Variants in DCDC2 observed in about 807,000 individuals in gnomAD.
The protein encoded by DCDC2 is doublecortin domain-containing protein 2.
In DCDC2, 40 loss-of-function variants were observed where a neutral mutation model predicts 50.2. The ratio of observed to expected loss-of-function variants is 0.80; its 90% CI spans 0.62 to 1.04. DCDC2 has a LOEUF of 1.04. Among genes scored for constraint, DCDC2 ranks in the 50% least tolerant of loss-of-function variants. DCDC2 has a pLI of 0.00. For synonymous variants in DCDC2, 234 were observed against 210.6 expected, an observed-to-expected ratio of 1.11 and a Z score of -0.96; for missense variants, 570 against 581.9, an observed-to-expected ratio of 0.98 and a Z score of 0.21.
chr6:24,325,050 T>C (rs940777236), intron 2 of DCDC2, among the ~76,000 whole-genome samples: 1 of 152,150 alleles, frequency 6.6e-6, no homozygotes, highest in Non-Finnish European at 1.5e-5. Flanking sequence ...CGTCTTACTC[T>C]CAGCCTGCCT....
chr6:24,354,217 T>C (rs1216750741), intron 1 of DCDC2, among the ~76,000 whole-genome samples: 1 of 152,212 alleles, frequency 6.6e-6, no homozygotes, highest in African/African-American at 2.4e-5. Flanking sequence ...GATCATTCTT[T>C]AGCTGTTACA....
chr6:24,203,313 G>A (rs1439243756), intron 8 of DCDC2, among the ~76,000 whole-genome samples: 2 of 152,108 alleles, frequency 1.3e-5, no homozygotes, highest in Non-Finnish European at 2.9e-5. Context: ...GCAGCACAGA[G>A]TTCTCAGAAA....
intron 6 of DCDC2, among the ~76,000 whole-genome samples, chr6:24,280,760 G>A (rs1165067932): frequency 6.6e-6 from 1 of 151,920 alleles, no homozygotes; most frequent in Non-Finnish European, 1.5e-5. Context: ...GGCTGATCTT[G>A]AACTCCTGAC....
rs1285477191 is a variant in DCDC2, at chr6:24,317,084, C to CATGTATAT, written c.349-15041_349-15040insATATACAT. Among the ~76,000 whole-genome samples, 1,138 of 151,806 alleles carry CATGTATAT rather than the reference C, an allele frequency of 7.5e-3. 10 individuals carry two copies. The highest frequency in any genetic ancestry group is 0.026 in the African/African-American group (1,060 of 41,412). ...CACTACATATATGCACACATACATGCATACATCTGTATTTACAGATGTATG... is the reference window on the plus strand; with the variant it reads ...CACTACATATATGCACACATACATGCATGTATATATACATCTGTATTTACAGATGTATG... On this transcript the variant is annotated intron_variant, in intron 2 of 9. Coordinates refer to ENST00000378454, the MANE Select transcript of DCDC2 (RefSeq NM_016356.5).
intron 2 of DCDC2, among the ~76,000 whole-genome samples, chr6:24,335,711 C>G (rs943850160): frequency 5.3e-5 from 8 of 152,178 alleles, no homozygotes; most frequent in African/African-American, 1.9e-4. Flanking sequence ...AACTTACAAT[C>G]ATGGCAGAAG....
the DCDC2 span, among the ~76,000 whole-genome samples, chr6:24,378,928 G>A: frequency 7.0e-6 from 1 of 143,522 alleles, no homozygotes; most frequent in Non-Finnish European, 1.5e-5. Flanking sequence ...CTCCAGCCTG[G>A]GCAACAAAGG....
intron 9 of DCDC2, among the ~76,000 whole-genome samples, chr6:24,177,511 G>A (rs1186036867): frequency 6.6e-6 from 1 of 152,174 alleles, no homozygotes; most frequent in Non-Finnish European, 1.5e-5. Flanking sequence ...CCTTGAGGGA[G>A]GTGGACCTTG....
At position 24,338,245 on chromosome 6, in the gene DCDC2, T is replaced by C. The variant is rs546612930; in HGVS notation, c.348+15324A>G. Among the ~76,000 whole-genome samples, 21 of 152,300 alleles carry C rather than the reference T, an allele frequency of 1.4e-4. No homozygotes were observed. In the East Asian group the frequency reaches 3.3e-3, roughly 24 times the overall value. ...AAATACATACACACACATGTGCACA[T>C]GCACAAACACTCACAGTGAGTTCCA... On this transcript the variant is annotated intron_variant, in intron 2 of 9. Coordinates refer to ENST00000378454, the MANE Select transcript of DCDC2 (RefSeq NM_016356.5).
chr6:24,369,709 A>G, the DCDC2 span, among the ~76,000 whole-genome samples: 1 of 152,310 alleles, frequency 6.6e-6, no homozygotes, highest in South Asian at 2.1e-4. Flanking sequence ...GAGTTTTTAA[A>G]CAGCATGACA....
intron 7 of DCDC2, among the ~76,000 whole-genome samples, chr6:24,226,528 T>C (rs1762237365): frequency 3.3e-5 from 5 of 152,178 alleles, no homozygotes; most frequent in Admixed American, 3.3e-4. Context: ...TCCACTCTTG[T>C]CAACAAGAAG....
intron 2 of DCDC2, among the ~76,000 whole-genome samples, chr6:24,329,273 T>A (rs1281287848): frequency 6.6e-6 from 1 of 152,136 alleles, no homozygotes; most frequent in East Asian, 1.9e-4. Flanking sequence ...CGAAGGAGAA[T>A]ATTAACCCTC....
At chr6:24,210,020 GT>G (rs879306978) in intron 7 of DCDC2, among the ~76,000 whole-genome samples, 116 of 15,688 alleles carry the variant, frequency 7.4e-3, no homozygotes, top group Non-Finnish European at 0.017. Flanking sequence ...CAGTATCAGG[GT>G]GTGTGTGTGT....
chr6:24,261,501 C>A (rs1002472669), intron 7 of DCDC2, among the ~76,000 whole-genome samples: 1 of 151,906 alleles, frequency 6.6e-6, no homozygotes, highest in Non-Finnish European at 1.5e-5. Flanking sequence ...CCAAGTAAAA[C>A]CCTCAAGCAA....
chr6:24,265,960 A>C (rs1054336576), intron 7 of DCDC2, among the ~76,000 whole-genome samples: 12 of 151,854 alleles, frequency 7.9e-5, no homozygotes, highest in Non-Finnish European at 1.6e-4. Context: ...AGTGGAAAAA[A>C]AAATAAAATT....
At chr6:24,189,515 A>C (rs750121279) in intron 8 of DCDC2, among the ~76,000 whole-genome samples, 7 of 152,190 alleles carry the variant, frequency 4.6e-5, no homozygotes, top group Non-Finnish European at 1.0e-4. Flanking sequence ...GGGGAAAGCC[A>C]TCTAAAGAGA....
chr6:24,248,729 A>C (rs1762737923), intron 7 of DCDC2, among the ~76,000 whole-genome samples: 1 of 152,234 alleles, frequency 6.6e-6, no homozygotes, highest in Admixed American at 6.5e-5. Flanking sequence ...AGATGAAAAA[A>C]TGCACTGACC....
At chr6:24,268,309 A>G (rs1763169249) in intron 7 of DCDC2, among the ~76,000 whole-genome samples, 1 of 152,160 alleles carries the variant, frequency 6.6e-6, no homozygotes, top group Non-Finnish European at 1.5e-5. Context: ...CAACATGGCG[A>G]AGTCCCATCT....
intron 7 of DCDC2, among the ~76,000 whole-genome samples, chr6:24,264,810 T>C (rs1296700255): frequency 1.5e-4 from 22 of 150,302 alleles, no homozygotes; most frequent in Non-Finnish European, 3.0e-5. Context: ...CTACTATCAA[T>C]AGACAAAGAG....
rs145002681 is a variant in DCDC2, at chr6:24,293,527, A to G, written c.558-2449T>C. On this transcript the variant is annotated intron_variant, in intron 4 of 9. Transcript: ENST00000378454. ...ACGCACCCAACACAGGAGCACCCAG[A>G]TTCATAAAGCAAGTTCTTAGAAATC... Among the ~76,000 whole-genome samples, 551 of 152,316 alleles carry G rather than the reference A, an allele frequency of 3.6e-3. 1 individual carries two copies. The highest frequency in any genetic ancestry group is 0.012 in the African/African-American group (507 of 41,564).
Sources: gnomAD v4.1 joint callset for allele counts (sites outside exome capture counted in the v4.1 genomes callset) on GRCh38, gnomAD v4.1.1 for gene constraint, MANE v1.5 for transcripts, NCBI Gene and HGNC (gene_info 2026-07-23, HGNC 2026-07-21) for gene names.